The following PIK3R2 variants were observed in gnomAD, a reference collection of about 807,000 sequenced individuals.
The protein encoded by PIK3R2 is phosphoinositide-3-kinase regulatory subunit 2.
PIK3R2 carries 40 observed loss-of-function variants against 78.5 expected under a neutral mutation model. That is an observed-to-expected ratio of 0.51 (90% CI 0.40 to 0.66). The LOEUF is 0.66. Ranked by LOEUF, PIK3R2 falls within the 30% of genes least tolerant of loss-of-function variation. PIK3R2 has a pLI of 0.00. For synonymous variants in PIK3R2, 473 were observed against 457.7 expected (o/e 1.03, Z -0.43); for missense variants, 880 against 1,026.6 (o/e 0.86, Z 1.95).
In PIK3R2 at chr19:18,161,504, C is replaced by T. The variant is rs2043746268; in HGVS notation, c.815+9C>T. On this transcript the variant is annotated intron_variant, in intron 6 of 15. Transcript: ENST00000222254. This position sits in a 1 kb window ranked among gnomAD's most constrained non-coding sequence, Gnocchi z 5.3. ...GGGGGCGCTCCCGACGGGTGAGGGG[C>T]GGGGCGGAGCCGGAGCGAGCAGGGG... 7.6e-6 allele frequency: 4 copies of T among 527,478 alleles called. No individual in the cohort carries two copies. Among genetic ancestry groups the T allele is most frequent in the South Asian group, 1.9e-4 (2 of 10,296 alleles). 32.7% of individuals were successfully genotyped at this position (527,478 alleles called of 1,614,324 possible).
At chr19:18,158,337 A>G (rs1181636536) in intron 2 of PIK3R2, among the ~76,000 whole-genome samples, 1 of 152,086 alleles carries the variant, frequency 6.6e-6, no homozygotes, top group Non-Finnish European at 1.5e-5. Flanking sequence ...AAAATAATAC[A>G]AAAATTAGCC....
rs1599982692 is a variant in PIK3R2, at chr19:18,165,300, G to T, written c.1417-860G>T. ...GAATAGCTTGAACCTGAGAGGTGGA[G>T]GTTGCAGTGAGCCGAGATCACACCA... On this transcript the variant is annotated intron_variant, in intron 11 of 15. Coordinates refer to ENST00000222254, the MANE Select transcript of PIK3R2 (RefSeq NM_005027.4). 3.6e-5 allele frequency among the ~76,000 whole-genome samples: 5 copies of T among 140,752 alleles called. No individual in the cohort carries two copies. The South Asian group carries it at 1.1e-3, about 32-fold the overall frequency. 92.3% of individuals were successfully genotyped at this position (140,752 alleles called of 152,430 possible). A position where few individuals can be genotyped will look rare whatever the true frequency, so the allele number is the denominator to read the frequency against.
Position 18,168,917 on chromosome 19 carries a change from G to C in PIK3R2, c.1979+21G>C. 1 of 1,604,792 alleles carries C rather than the reference G, an allele frequency of 6.2e-7. No individual in the cohort carries two copies. The highest frequency in any genetic ancestry group is 8.5e-7 in the Non-Finnish European group (1 of 1,175,500). ...GTGGTGTGAGTGGACCGCAGCGGTG[G>C]GGATTCCCGCGTCCCTCCCAGAGCT... On this transcript the variant is annotated intron_variant, in intron 15 of 15. Transcript: ENST00000222254. This position sits in a 1 kb window ranked among gnomAD's most constrained non-coding sequence, Gnocchi z 4.1.
chr19:18,168,963 T>C lies in PIK3R2; in HGVS notation c.1979+67T>C. 6.4e-7 allele frequency: 1 copy of C among 1,559,258 alleles called. No individual in the cohort carries two copies. Among genetic ancestry groups the C allele is most frequent in the Non-Finnish European group, 8.8e-7 (1 of 1,142,506 alleles). On this transcript the variant is annotated intron_variant, in intron 15 of 15. Transcript: ENST00000222254. This position sits in a 1 kb window ranked among gnomAD's most constrained non-coding sequence, Gnocchi z 4.1. Reference sequence around the variant, plus strand: ...GAGCTCTCATTGAATGCCTGCCGCGTGCCAGGCCTTGGGAAGGAGTCCCTG... The same window carrying C: ...GAGCTCTCATTGAATGCCTGCCGCGCGCCAGGCCTTGGGAAGGAGTCCCTG...
chr19:18,159,991 G>A (rs372484848), intron 2 of PIK3R2, among the ~76,000 whole-genome samples: 1 of 152,110 alleles, frequency 6.6e-6, no homozygotes, highest in Non-Finnish European at 1.5e-5. Flanking sequence ...CACCCACCTC[G>A]GTCTCCCAAA....
At chr19:18,157,434 C>G (rs2043689174) in intron 2 of PIK3R2, among the ~76,000 whole-genome samples, 1 of 152,188 alleles carries the variant, frequency 6.6e-6, no homozygotes, top group African/African-American at 2.4e-5. Flanking sequence ...TCGGCCAGAA[C>G]CCGCCCCCTC....
chr19:18,162,559 G>A, intron 9 of PIK3R2, 53 bp downstream of exon 9: 1 of 1,437,116 alleles, frequency 7.0e-7, no homozygotes, highest in Non-Finnish European at 9.8e-7. Flanking sequence ...ACAGAGACCG[G>A]GAGTTCAGAG....
Position 18,161,347 on chromosome 19 carries a change from C to CGCTTCCTGCTCCAGCA in PIK3R2, c.668_683dup (p.His228GlnfsTer52). On this transcript the variant is annotated frameshift_variant, in exon 6 of 16. Transcript: ENST00000222254. LOFTEE classifies it high-confidence loss of function. The surrounding 1 kb of genome is among the most constrained non-coding windows in gnomAD (Gnocchi z 5.3). ...GCCGCTGCACCGCGCGCTCACGCTGCGCTTCCTGCTCCAGCACCTGGGCCG... is the reference window on the plus strand; with the variant it reads ...GCCGCTGCACCGCGCGCTCACGCTGCGCTTCCTGCTCCAGCAGCTTCCTGCTCCAGCACCTGGGCCG... The CGCTTCCTGCTCCAGCA allele has an allele frequency of 7.6e-7, 1 of 1,323,866 alleles. No individual in the cohort carries two copies. The highest frequency in any genetic ancestry group is 9.6e-7 in the Non-Finnish European group (1 of 1,040,512). 82.0% of individuals were successfully genotyped at this position (1,323,866 alleles called of 1,614,324 possible). A position where few individuals can be genotyped will look rare whatever the true frequency, so the allele number is the denominator to read the frequency against.
intron 1 of PIK3R2, among the ~76,000 whole-genome samples, chr19:18,153,749 C>T (rs920498678): frequency 4.6e-5 from 7 of 152,194 alleles, no homozygotes; most frequent in African/African-American, 1.7e-4. Context: ...CGCGGAGCCC[C>T]CAGCCCTGCC....
chr19:18,168,347 G>T lies in PIK3R2; in HGVS notation c.1737-128G>T. 1.5e-6 allele frequency: 1 copy of T among 664,704 alleles called. No homozygotes were observed. The highest frequency in any genetic ancestry group is 2.8e-6 in the Non-Finnish European group (1 of 361,570). 41.2% of individuals were successfully genotyped at this position (664,704 alleles called of 1,614,324 possible). A position where few individuals can be genotyped will look rare whatever the true frequency, so the allele number is the denominator to read the frequency against. Reference sequence around the variant, plus strand: ...TGAGCCAGGTCAGCTCTGCCCTCTTGTGGCAACCGGAGATATTGTACCCAG... The same window carrying T: ...TGAGCCAGGTCAGCTCTGCCCTCTTTTGGCAACCGGAGATATTGTACCCAG... On this transcript the variant is annotated intron_variant, in intron 13 of 15. Coordinates refer to ENST00000222254, the MANE Select transcript of PIK3R2 (RefSeq NM_005027.4). This position sits in a 1 kb window ranked among gnomAD's most constrained non-coding sequence, Gnocchi z 4.1.
chr19:18,156,133 G>A lies in PIK3R2; in HGVS notation c.254G>A (p.Arg85Gln), dbSNP rs760416536. 2.9e-5 allele frequency: 44 copies of A among 1,499,298 alleles called. No homozygotes were observed. Among genetic ancestry groups the A allele is most frequent in the East Asian group, 1.3e-4 (5 of 38,698 alleles). 92.9% of individuals were successfully genotyped at this position (1,499,298 alleles called of 1,614,324 possible). Residue 85 changes from arginine (R) to glutamine (Q), a missense_variant, in exon 2 of 16, where the codon CGG becomes CAG. Physicochemically the swap from Arg to Gln is conservative, Grantham distance 43. Transcript: ENST00000222254. The surrounding 1 kb of genome is among the most constrained non-coding windows in gnomAD (Gnocchi z 4.2). ...TTCCTGGGGCCCGTGGCCCTGGCCC[G>A]GCCCGGCCCTCGCCCACGGGGCCCC... ...VEFLGPVALA[R>Q]PGPRPRGPRP...
chr19:18,165,385 T>C (rs1203925514), intron 11 of PIK3R2, among the ~76,000 whole-genome samples: 3 of 67,038 alleles, frequency 4.5e-5, no homozygotes, highest in Non-Finnish European at 6.8e-5. Flanking sequence ...AAAAAAAAAA[T>C]TAGCCGGGCA....
At chr19:18,158,819 TATTA>T (rs1242805240) in intron 2 of PIK3R2, among the ~76,000 whole-genome samples, 16 of 152,140 alleles carry the variant, frequency 1.1e-4, no homozygotes, top group Non-Finnish European at 1.5e-5. Flanking sequence ...AAATGTTATT[TATTA>T]ATTAATGTAT....
intron 9 of PIK3R2, 152 bp from the exon 10 acceptor site, chr19:18,162,815 G>A (rs866118763): frequency 3.2e-5 from 21 of 658,780 alleles, no homozygotes; most frequent in South Asian, 1.4e-4. Flanking sequence ...GCTTGAACCC[G>A]GGAGGTGGAG....
At chr19:18,153,764 C>G in intron 1 of PIK3R2, among the ~76,000 whole-genome samples, 1 of 152,202 alleles carries the variant, frequency 6.6e-6, no homozygotes. Flanking sequence ...CCTGCCTGCC[C>G]CGCCCCTCCC....
chr19:18,153,515 C>G (rs1385275457), intron 1 of PIK3R2, among the ~76,000 whole-genome samples: 1 of 152,114 alleles, frequency 6.6e-6, no homozygotes, highest in Non-Finnish European at 1.5e-5. Flanking sequence ...GGGAGAGACT[C>G]CCCGCGTCCA....
chr19:18,155,196 CAAA>C (rs34249019), intron 1 of PIK3R2, among the ~76,000 whole-genome samples: 9 of 109,296 alleles, frequency 8.2e-5, no homozygotes, highest in Non-Finnish European at 1.4e-4. Flanking sequence ...GACTCTATCT[CAAA>C]AAAAAAAAAA....
At chr19:18,157,445 G>A (rs184350213) in intron 2 of PIK3R2, among the ~76,000 whole-genome samples, 8 of 152,224 alleles carry the variant, frequency 5.3e-5, no homozygotes, top group East Asian at 1.9e-4. Context: ...CCGCCCCCTC[G>A]AGGCCTCAGT....
rs1286225329 is a variant in PIK3R2, at chr19:18,169,080, C to T, written c.1980-7C>T. ...CTTCCGACTCCCCCTCTCGTCTGCCCCCACAGAGTGGACGGCGACACCAAG... is the reference window on the plus strand; with the variant it reads ...CTTCCGACTCCCCCTCTCGTCTGCCTCCACAGAGTGGACGGCGACACCAAG... On this transcript the variant is annotated splice_polypyrimidine_tract_variant and splice_region_variant and intron_variant, in intron 15 of 15. Coordinates refer to ENST00000222254, the MANE Select transcript of PIK3R2 (RefSeq NM_005027.4). 14 of 1,608,702 alleles carry T rather than the reference C, an allele frequency of 8.7e-6. No individual in the cohort carries two copies. The South Asian group carries it at 1.2e-4, about 14-fold the overall frequency.
Sources: allele counts gnomAD v4.1 joint callset (sites outside exome capture counted in the v4.1 genomes callset), GRCh38; gene constraint gnomAD v4.1.1; non-coding constraint Gnocchi (gnomAD v3.1); transcripts MANE v1.5; gene names NCBI Gene and HGNC (gene_info 2026-07-23, HGNC 2026-07-21).